SLC47A1: variants seen among roughly 807,000 people sequenced by gnomAD.
The protein encoded by SLC47A1 is multidrug and toxin extrusion protein 1.
Under a neutral mutation model 65.8 loss-of-function variants are expected in SLC47A1, and 58 were observed. That is an observed-to-expected ratio of 0.88 (90% confidence interval 0.71 to 1.10). The LOEUF (loss-of-function observed/expected upper bound fraction) is 1.10, where lower values mean the gene tolerates loss of function less well. Among genes scored for constraint, SLC47A1 ranks in the 50% least tolerant of loss-of-function variants. The probability of loss-of-function intolerance (pLI) is 0.00; values close to 1 mark genes in which losing one functional copy is unlikely to be tolerated. For missense variants in SLC47A1, 706 were observed against 719.2 expected (o/e 0.98, Z 0.21); for synonymous variants, 285 against 295.0 (o/e 0.97, Z 0.35).
chr17:19,544,180 G>T (rs554450534), intron 2 of SLC47A1, among the ~76,000 whole-genome samples: 1 of 152,118 alleles, frequency 6.6e-6, no homozygotes, highest in Non-Finnish European at 1.5e-5. Flanking sequence ...TCCTGACCTC[G>T]TGATCTGCCC....
At chr17:19,540,170 T>C (rs371476984) in intron 1 of SLC47A1, among the ~76,000 whole-genome samples, 2 of 152,028 alleles carry the variant, frequency 1.3e-5, no homozygotes, top group East Asian at 1.9e-4. Context: ...CCCACCCAAG[T>C]GAGAAAGATG....
chr17:19,566,668 T>A (rs2084360061), intron 12 of SLC47A1, 122 bp from the exon 13 acceptor site: 2 of 815,142 alleles, frequency 2.5e-6, no homozygotes, highest in Non-Finnish European at 4.1e-6. Context: ...CAGGTGATCC[T>A]CCCGCCTCAG....
rs759315730 is a variant in SLC47A1 at position 19,567,101 on chromosome 17, G to A, written c.1182G>A (p.Thr394=). 115 of 1,614,210 alleles carry A rather than the reference G, an allele frequency of 7.1e-5. 3 individuals are homozygous for A. Among genetic ancestry groups the A allele is most frequent in the South Asian group, 6.8e-4 (62 of 91,090 alleles). Reference sequence around the variant, plus strand: ...GGAATGCTCTCTGCCTGCAGTGCACGAGTGGTGGTGTTCTGAGGGGGAGTG... The same window carrying A: ...GGAATGCTCTCTGCCTGCAGTGCACAAGTGGTGGTGTTCTGAGGGGGAGTG... ...VSHLFEALAC[T]SGGVLRGSGN... The change falls in exon 14 of 17, where the codon ACG becomes ACA. Residue 394 remains threonine (T), a synonymous_variant. Coordinates refer to ENST00000270570, the MANE Select transcript of SLC47A1 (RefSeq NM_018242.3).
At chr17:19,568,372 TTTGCCAA>T (rs2084375899) in intron 14 of SLC47A1, among the ~76,000 whole-genome samples, 1 of 152,228 alleles carries the variant, frequency 6.6e-6, no homozygotes, top group Non-Finnish European at 1.5e-5. Flanking sequence ...ATAGTTTGGA[TTTGCCAA>T]TTGCCTAGCT....
chr17:19,546,730 A>T (rs905367435), intron 3 of SLC47A1, among the ~76,000 whole-genome samples: 1 of 152,144 alleles, frequency 6.6e-6, no homozygotes, highest in African/African-American at 2.4e-5. Flanking sequence ...TTTTGATCAA[A>T]TAGGGGACAT....
intron 1 of SLC47A1, among the ~76,000 whole-genome samples, chr17:19,542,077 A>G (rs1478148580): frequency 1.3e-5 from 2 of 152,152 alleles, no homozygotes; most frequent in Non-Finnish European, 1.5e-5. Context: ...GTGAGCCAAG[A>G]TCGCGCCACT....
Position 19,567,153 on chromosome 17 carries a change from A to G in SLC47A1, c.1234A>G (p.Asn412Asp). Residue 412 changes from asparagine (N) to aspartate (D), a missense_variant, in exon 14 of 17, where the codon AAT becomes GAT. Asn to Asp is a conservative substitution (Grantham distance 23). Coordinates refer to ENST00000270570, the MANE Select transcript of SLC47A1 (RefSeq NM_018242.3). ...AAATCAGAAGGTTGGAGCCATTGTG[A>G]ATACCATTGGGTACTATGTGGTTGG... Reference protein sequence around the residue: ...SGNQKVGAIVNTIGYYVVGLP... With the variant: ...SGNQKVGAIVDTIGYYVVGLP... 3 of 1,614,184 alleles carry G rather than the reference A, an allele frequency of 1.9e-6. No homozygotes were observed. The highest frequency in any genetic ancestry group is 2.5e-6 in the Non-Finnish European group (3 of 1,180,026).
chr17:19,560,005 G>A, intron 10 of SLC47A1, 183 bp from the exon 11 acceptor site: 1 of 574,528 alleles, frequency 1.7e-6, no homozygotes, highest in Non-Finnish European at 3.1e-6. Flanking sequence ...TCGTAACCTG[G>A]GGCTCAGTTT....
chr17:19,541,756 G>A (rs1266209593), intron 1 of SLC47A1, among the ~76,000 whole-genome samples: 2 of 152,174 alleles, frequency 1.3e-5, no homozygotes, highest in Non-Finnish European at 2.9e-5. Flanking sequence ...TAACAAGGGG[G>A]TTATCCCAGA....
chr17:19,576,435 C>T (rs2084440787), intron 16 of SLC47A1, among the ~76,000 whole-genome samples: 1 of 149,138 alleles, frequency 6.7e-6, no homozygotes, highest in South Asian at 2.2e-4. Context: ...AACTGCACCT[C>T]GATATCCTGG....
intron 2 of SLC47A1, among the ~76,000 whole-genome samples, chr17:19,545,444 G>A (rs1916261085): frequency 1.3e-5 from 2 of 151,740 alleles, no homozygotes; most frequent in East Asian, 1.9e-4. Context: ...CGCCCACCTC[G>A]GCCTCCCAAA....
chr17:19,554,497 G>A (rs751931893), intron 6 of SLC47A1, among the ~76,000 whole-genome samples: 3 of 152,200 alleles, frequency 2.0e-5, no homozygotes, highest in Non-Finnish European at 2.9e-5. Context: ...AGACAACAAA[G>A]TTTCTCAGTG....
chr17:19,541,407 T>C (rs755631632), intron 1 of SLC47A1, among the ~76,000 whole-genome samples: 34 of 151,880 alleles, frequency 2.2e-4, no homozygotes, highest in Admixed American at 9.8e-4. Flanking sequence ...GTCTAGTGGG[T>C]GGGGGGCAGG....
intron 4 of SLC47A1, 145 bp from the exon 5 acceptor site, chr17:19,549,490 G>C (rs1323516072): frequency 1.2e-6 from 1 of 820,588 alleles, no homozygotes; most frequent in Admixed American, 2.1e-5. Flanking sequence ...CACCGCGCCC[G>C]GCCTGCTCCA....
rs751876167 is a variant in SLC47A1, at chr17:19,578,001, AGACG to A, written c.*451_*454del. 232 of 1,270,574 alleles carry A rather than the reference AGACG, an allele frequency of 1.8e-4. No individual in the cohort carries two copies. The highest frequency in any genetic ancestry group is 2.2e-4 in the Non-Finnish European group (218 of 973,934). The allele number at this position is 1,270,574 out of a possible 1,614,324, so 78.7% of individuals were successfully genotyped here. A position where few individuals can be genotyped will look rare whatever the true frequency, so the allele number is the denominator to read the frequency against. On this transcript the variant is annotated 3_prime_UTR_variant, in exon 17 of 17. Coordinates refer to ENST00000270570, the MANE Select transcript of SLC47A1 (RefSeq NM_018242.3). ...TTTTTGTTTTAATTTTTTTTTTAATAGACGGAAGTCTTGCTCTGTCATGCAGGCT... is the reference window on the plus strand; with the variant it reads ...TTTTTGTTTTAATTTTTTTTTTAATAGAAGTCTTGCTCTGTCATGCAGGCT...
Position 19,543,146 on chromosome 17 carries a change from G to A in SLC47A1, c.237+652G>A, listed in dbSNP as rs540818342. On this transcript the variant is annotated intron_variant, in intron 2 of 16. Transcript: ENST00000270570. ...TTTTTTTCAGACGGAGTCTTGCTCCGTCACCCAGGCTGGAGTGCAGTGGTG... is the reference window on the plus strand; with the variant it reads ...TTTTTTTCAGACGGAGTCTTGCTCCATCACCCAGGCTGGAGTGCAGTGGTG... Among the ~76,000 whole-genome samples the A allele has an allele frequency of 7.8e-5, 11 of 141,326 alleles. No homozygotes were observed. In the East Asian group the frequency reaches 1.7e-3, roughly 22 times the overall value. The allele number at this position is 141,326 out of a possible 152,430, so 92.7% of individuals were successfully genotyped here.
rs1180263887 is a variant in SLC47A1 at position 19,547,716 on chromosome 17, C to CTTTTT, written c.307-249_307-245dup. ...GCAAAGTGTCTAGGGCCATGGGCTT[C>CTTTTT]TTTTTTTTTTTTTTTTTTTTTTTTG... On this transcript the variant is annotated intron_variant, in intron 3 of 16. Coordinates refer to ENST00000270570, the MANE Select transcript of SLC47A1 (RefSeq NM_018242.3). Among the ~76,000 whole-genome samples, 106 of 68,566 alleles carry CTTTTT rather than the reference C, an allele frequency of 1.5e-3. 1 individual carries two copies. The highest frequency in any genetic ancestry group is 0.017 in the Middle Eastern group (1 of 58). The allele number at this position is 68,566 out of a possible 152,430, so 45.0% of individuals were successfully genotyped here. A position where few individuals can be genotyped will look rare whatever the true frequency, so the allele number is the denominator to read the frequency against.
intron 12 of SLC47A1, among the ~76,000 whole-genome samples, chr17:19,564,938 C>T (rs1033839632): frequency 2.3e-4 from 35 of 152,116 alleles, no homozygotes; most frequent in Non-Finnish European, 4.7e-4. Flanking sequence ...AGGCTGGTCT[C>T]GAACTCACCA....
intron 16 of SLC47A1, among the ~76,000 whole-genome samples, chr17:19,576,347 C>G (rs921429663): frequency 5.6e-5 from 8 of 143,476 alleles, no homozygotes; most frequent in Non-Finnish European, 1.5e-5. Context: ...TTCTTTCTTC[C>G]TTCCTTTTTT....
Sources: gnomAD v4.1 joint callset for allele counts (sites outside exome capture counted in the v4.1 genomes callset) on GRCh38, gnomAD v4.1.1 for gene constraint, MANE v1.5 for transcripts, NCBI Gene and HGNC (gene_info 2026-07-23, HGNC 2026-07-21) for gene names.